Variants in ASB18 observed in about 807,000 individuals in gnomAD.
ASB18 encodes ankyrin repeat and SOCS box containing 18, also known as ankyrin repeat and SOCS box protein 18.
In ASB18, 33 loss-of-function variants were observed where a neutral mutation model predicts 33.4. That is an observed-to-expected ratio of 0.99 (90% confidence interval 0.75 to 1.32). The LOEUF (loss-of-function observed/expected upper bound fraction) is 1.32, where lower values mean the gene tolerates loss of function less well. Among genes scored for constraint, ASB18 ranks in the 40% most tolerant of loss-of-function variants. The pLI, the probability that ASB18 is intolerant of heterozygous loss-of-function variation, is 0.00. For missense variants in ASB18, 694 were observed against 655.5 expected (o/e 1.06, Z -0.64); for synonymous variants, 295 against 307.6 (o/e 0.96, Z 0.43).
Position 236,219,990 on chromosome 2 carries a change from AAC to A in ASB18, c.597-5126_597-5125del, listed in dbSNP as rs2060503581. Among the ~76,000 whole-genome samples, 1 of 152,198 alleles carries A rather than the reference AAC, an allele frequency of 6.6e-6. No homozygotes were observed. Among genetic ancestry groups the A allele is most frequent in the African/African-American group, 2.4e-5 (1 of 41,446 alleles). On this transcript the variant is annotated intron_variant, in intron 3 of 5. Coordinates refer to ENST00000409749, the MANE Select transcript of ASB18 (RefSeq NM_212556.4). This position sits in a 1 kb window ranked among gnomAD's most constrained non-coding sequence, Gnocchi z 6.4. ...CTTCTGATATGAAGCAACTTGGACA[AAC>A]ACATTAATCTCTGGGTGCCTCATCT...
chr2:236,197,862 T>C (rs558421661), intron 4 of ASB18, among the ~76,000 whole-genome samples: 1 of 152,326 alleles, frequency 6.6e-6, no homozygotes, highest in African/African-American at 2.4e-5. Flanking sequence ...GATTCGATTT[T>C]GGAGAGGGGC....
At position 236,259,464 on chromosome 2, in the gene ASB18, T is replaced by C. The variant is rs1323292728; in HGVS notation, c.205+4677A>G. ...AAAGCAGCCTAGCAAGGCCATGCAC[T>C]TCCGTAATGGATGGAGACTAAGGGC... On this transcript the variant is annotated intron_variant, in intron 1 of 5. Transcript: ENST00000409749. This position sits in a 1 kb window ranked among gnomAD's most constrained non-coding sequence, Gnocchi z 4.4. The C allele has an allele frequency of 4.3e-6, 2 of 466,794 alleles. No homozygotes were observed. The highest frequency in any genetic ancestry group is 4.7e-5 in the Admixed American group (2 of 42,466). The allele number at this position is 466,794 out of a possible 1,614,324, so 28.9% of individuals were successfully genotyped here.
chr2:236,238,091 G>T lies in ASB18; in HGVS notation c.329-135C>A. ...CCAGGTAGGCATGTAGGGAGAAGAGGATAGAATCAGAGACGCACACAGAGA... is the reference window on the plus strand; with the variant it reads ...CCAGGTAGGCATGTAGGGAGAAGAGTATAGAATCAGAGACGCACACAGAGA... On this transcript the variant is annotated intron_variant, in intron 2 of 5. Coordinates refer to ENST00000409749, the MANE Select transcript of ASB18 (RefSeq NM_212556.4). The surrounding 1 kb of genome is among the most constrained non-coding windows in gnomAD (Gnocchi z 5.2). 2 of 639,464 alleles carry T rather than the reference G, an allele frequency of 3.1e-6. No individual in the cohort carries two copies. Among genetic ancestry groups the T allele is most frequent in the Non-Finnish European group, 4.7e-6 (2 of 422,904 alleles). The allele number at this position is 639,464 out of a possible 1,614,324, so 39.6% of individuals were successfully genotyped here. A position where few individuals can be genotyped will look rare whatever the true frequency, so the allele number is the denominator to read the frequency against.
chr2:236,237,822 C>A lies in ASB18; in HGVS notation c.463G>T (p.Ala155Ser). 7.3e-7 allele frequency: 1 copy of A among 1,371,988 alleles called. No homozygotes were observed. Among genetic ancestry groups the A allele is most frequent in the Non-Finnish European group, 9.3e-7 (1 of 1,073,758 alleles). 85.0% of individuals were successfully genotyped at this position (1,371,988 alleles called of 1,614,324 possible). ...CCCCCGAGGCAGGCCTCGTGCAGGG[C>A]GCCGCGGCCGCCGGGGCTGGCGTCT... is the stretch of plus-strand genomic sequence containing the variant. The part of the protein sequence containing the change: ...DPDASPGGRG[A>S]LHEACLGGHT... Residue 155 changes from alanine (A) to serine (S), a missense_variant, in exon 3 of 6, where the codon GCC (alanine) becomes TCC (serine). Physicochemically the swap from Ala to Ser is moderately conservative, Grantham distance 99 (BLOSUM62 1). Transcript: ENST00000409749. The surrounding 1 kb of genome is among the most constrained non-coding windows in gnomAD (Gnocchi z 6.2).
In ASB18 at chr2:236,239,812, G is replaced by C. The variant is rs2060613042; in HGVS notation, c.328+1468C>G. On this transcript the variant is annotated intron_variant, in intron 2 of 5. Coordinates refer to ENST00000409749, the MANE Select transcript of ASB18 (RefSeq NM_212556.4). This position sits in a 1 kb window ranked among gnomAD's most constrained non-coding sequence, Gnocchi z 5.6. The stretch of plus-strand genomic sequence containing the variant: ...CATGGGGCCACTGCTTTCAAACAGG[G>C]TCTGGTCGTTTCTGCTGCTGGATCT... Among the ~76,000 whole-genome samples, 1 of 152,236 alleles carries C rather than the reference G, an allele frequency of 6.6e-6. No individual in the cohort carries two copies. Among genetic ancestry groups the C allele is most frequent in the South Asian group, 2.1e-4 (1 of 4,834 alleles).
rs1559327572 is a variant in ASB18, at chr2:236,204,779, C to T, written c.1102-8394G>A. Among the ~76,000 whole-genome samples the T allele has an allele frequency of 6.6e-6, 1 of 151,762 alleles. No homozygotes were observed. The highest frequency in any genetic ancestry group is 1.5e-5 in the Non-Finnish European group (1 of 67,980). On this transcript the variant is annotated intron_variant, in intron 4 of 5. Coordinates refer to ENST00000409749, the MANE Select transcript of ASB18 (RefSeq NM_212556.4). This position sits in a 1 kb window ranked among gnomAD's most constrained non-coding sequence, Gnocchi z 5.1. Reference sequence around the variant, plus strand: ...GAGTCATCCATTGCTCCTGTTTCTCCTACACTCCACATACCAAAAACTGAA... The same window carrying T: ...GAGTCATCCATTGCTCCTGTTTCTCTTACACTCCACATACCAAAAACTGAA...
rs2060504671 is a variant in ASB18 at position 236,220,203 on chromosome 2, C to T, written c.597-5337G>A. Among the ~76,000 whole-genome samples, 1 of 152,218 alleles carries T rather than the reference C, an allele frequency of 6.6e-6. No homozygotes were observed. Among genetic ancestry groups the T allele is most frequent in the Non-Finnish European group, 1.5e-5 (1 of 68,028 alleles). On this transcript the variant is annotated intron_variant, in intron 3 of 5. Transcript: ENST00000409749. This position sits in a 1 kb window ranked among gnomAD's most constrained non-coding sequence, Gnocchi z 5.1. ...GATGTGGGACTTTGGCCACTCCCTGCACACCCTCCCATCCACCCTCCAGCA... is the reference window on the plus strand; with the variant it reads ...GATGTGGGACTTTGGCCACTCCCTGTACACCCTCCCATCCACCCTCCAGCA...
Position 236,220,694 on chromosome 2 carries a change from G to A in ASB18, c.597-5828C>T, listed in dbSNP as rs1416815434. On this transcript the variant is annotated intron_variant, in intron 3 of 5. Transcript: ENST00000409749. This position sits in a 1 kb window ranked among gnomAD's most constrained non-coding sequence, Gnocchi z 5.1. Reference sequence around the variant, plus strand: ...CAGGAAGTGGCAAAGCAGAGGTCTCGTTGCTTCATGAGGCTTCCCACTGTC... The same window carrying A: ...CAGGAAGTGGCAAAGCAGAGGTCTCATTGCTTCATGAGGCTTCCCACTGTC... Among the ~76,000 whole-genome samples the A allele has an allele frequency of 2.6e-5, 4 of 152,074 alleles. No individual in the cohort carries two copies. Among genetic ancestry groups the A allele is most frequent in the East Asian group, 1.9e-4 (1 of 5,184 alleles).
In ASB18 at chr2:236,203,437, G is replaced by C. The variant is rs2060415991; in HGVS notation, c.1102-7052C>G. On this transcript the variant is annotated intron_variant, in intron 4 of 5. Coordinates refer to ENST00000409749, the MANE Select transcript of ASB18 (RefSeq NM_212556.4). The surrounding 1 kb of genome is among the most constrained non-coding windows in gnomAD (Gnocchi z 6.0). Reference sequence around the variant, plus strand: ...GGCTGGGGCATGAGTCTGACATGGGGAGTGCTCGGAAATGAAACAGGAGAG... The same window carrying C: ...GGCTGGGGCATGAGTCTGACATGGGCAGTGCTCGGAAATGAAACAGGAGAG... 6.6e-6 allele frequency among the ~76,000 whole-genome samples: 1 copy of C among 152,190 alleles called. No individual in the cohort carries two copies. The highest frequency in any genetic ancestry group is 6.5e-5 in the Admixed American group (1 of 15,286).
In ASB18 at chr2:236,219,804, GT is replaced by G. The variant is rs1312965098; in HGVS notation, c.597-4939del. On this transcript the variant is annotated intron_variant, in intron 3 of 5. Coordinates refer to ENST00000409749, the MANE Select transcript of ASB18 (RefSeq NM_212556.4). This position sits in a 1 kb window ranked among gnomAD's most constrained non-coding sequence, Gnocchi z 6.4. ...CTCCAAGGCAAGATTTTGTGAGTGG[GT>G]TTCCTGCTGTCCTGATAGAAAGGCA... 6.6e-6 allele frequency among the ~76,000 whole-genome samples: 1 copy of G among 152,146 alleles called. No homozygotes were observed. The highest frequency in any genetic ancestry group is 1.5e-5 in the Non-Finnish European group (1 of 68,026).
At position 236,195,648 on chromosome 2, in the gene ASB18, T is replaced by C. The variant is rs2060368298; in HGVS notation, c.1216-591A>G. 6.6e-6 allele frequency among the ~76,000 whole-genome samples: 1 copy of C among 152,100 alleles called. No individual in the cohort carries two copies. On this transcript the variant is annotated intron_variant, in intron 5 of 5. Coordinates refer to ENST00000409749, the MANE Select transcript of ASB18 (RefSeq NM_212556.4). This position sits in a 1 kb window ranked among gnomAD's most constrained non-coding sequence, Gnocchi z 5.5. ...CTCCTGCCTTAGCCTCCTGAGTAAC[T>C]GGCATTACAGGCGCTTGCCACCATG...
At position 236,256,346 on chromosome 2, in the gene ASB18, C is replaced by G. The variant is rs570593765; in HGVS notation, c.205+7795G>C. ...CCGGCCCATAAGTATTTATTAGGTA[C>G]CTAGTATGTGCAGGATGTGGCAAAT... On this transcript the variant is annotated intron_variant, in intron 1 of 5. Coordinates refer to ENST00000409749, the MANE Select transcript of ASB18 (RefSeq NM_212556.4). This position sits in a 1 kb window ranked among gnomAD's most constrained non-coding sequence, Gnocchi z 4.7. 1.9e-4 allele frequency among the ~76,000 whole-genome samples: 29 copies of G among 152,164 alleles called. 1 individual carries two copies. In the South Asian group the frequency reaches 6.0e-3, roughly 32 times the overall value.
At position 236,259,479 on chromosome 2, in the gene ASB18, A is replaced by C; in HGVS notation, c.205+4662T>G. The C allele has an allele frequency of 2.1e-6, 1 of 469,736 alleles. No homozygotes were observed. Among genetic ancestry groups the C allele is most frequent in the South Asian group, 1.6e-5 (1 of 64,396 alleles). 29.1% of individuals were successfully genotyped at this position (469,736 alleles called of 1,614,324 possible). The stretch of plus-strand genomic sequence containing the variant: ...GGCCATGCACTTCCGTAATGGATGG[A>C]GACTAAGGGCTTTATGCTTTCATGC... On this transcript the variant is annotated intron_variant, in intron 1 of 5. Coordinates refer to ENST00000409749, the MANE Select transcript of ASB18 (RefSeq NM_212556.4). The surrounding 1 kb of genome is among the most constrained non-coding windows in gnomAD (Gnocchi z 4.4).
At chr2:236,218,386 G>T (rs2060497232) in intron 3 of ASB18, among the ~76,000 whole-genome samples, 1 of 152,176 alleles carries the variant, frequency 6.6e-6, no homozygotes, top group Non-Finnish European at 1.5e-5. Flanking sequence ...AGGTGTGAGA[G>T]CCTATTTAAT....
rs1376990889 is a variant in ASB18 at position 236,228,931 on chromosome 2, A to G, written c.596+8758T>C. Among the ~76,000 whole-genome samples the G allele has an allele frequency of 2.6e-5, 4 of 152,056 alleles. No individual in the cohort carries two copies. The highest frequency in any genetic ancestry group is 2.1e-4 in the South Asian group (1 of 4,832). On this transcript the variant is annotated intron_variant, in intron 3 of 5. Transcript: ENST00000409749. The surrounding 1 kb of genome is among the most constrained non-coding windows in gnomAD (Gnocchi z 5.1). The stretch of plus-strand genomic sequence containing the variant: ...ATCAAACACCCAATGAAATGTAGAG[A>G]AAAAACCAAAAAATCAAAAGTGACC...
chr2:236,228,249 C>T lies in ASB18; in HGVS notation c.596+9440G>A, dbSNP rs1446754028. On this transcript the variant is annotated intron_variant, in intron 3 of 5. Coordinates refer to ENST00000409749, the MANE Select transcript of ASB18 (RefSeq NM_212556.4). The surrounding 1 kb of genome is among the most constrained non-coding windows in gnomAD (Gnocchi z 5.1). The stretch of plus-strand genomic sequence containing the variant: ...TGTGTCACAAGGTTGGAACTTACTC[C>T]CCAATATGATTGGCAGTATTGGATT... 2.6e-5 allele frequency among the ~76,000 whole-genome samples: 4 copies of T among 152,132 alleles called. No individual in the cohort carries two copies. Among genetic ancestry groups the T allele is most frequent in the Non-Finnish European group, 4.4e-5 (3 of 68,030 alleles).
rs78288337 is a variant in ASB18 at position 236,209,555 on chromosome 2, C to T, written c.1101+4807G>A. On this transcript the variant is annotated intron_variant, in intron 4 of 5. Coordinates refer to ENST00000409749, the MANE Select transcript of ASB18 (RefSeq NM_212556.4). This position sits in a 1 kb window ranked among gnomAD's most constrained non-coding sequence, Gnocchi z 4.4. ...CTAGGATTATAGGCGTGAGCTATTGCCTCTGGCCTAGAATCTGTTATTCTT... is the reference window on the plus strand; with the variant it reads ...CTAGGATTATAGGCGTGAGCTATTGTCTCTGGCCTAGAATCTGTTATTCTT... Among the ~76,000 whole-genome samples, 4,080 of 152,246 alleles carry T rather than the reference C, an allele frequency of 0.027. 183 individuals are homozygous for T. The highest frequency in any genetic ancestry group is 0.088 in the African/African-American group (3,644 of 41,508).
At position 236,216,873 on chromosome 2, in the gene ASB18, G is replaced by A. The variant is rs1266862696; in HGVS notation, c.597-2007C>T. On this transcript the variant is annotated intron_variant, in intron 3 of 5. Transcript: ENST00000409749. The surrounding 1 kb of genome is among the most constrained non-coding windows in gnomAD (Gnocchi z 6.1). ...CACCGGGTTCACCTCCTGAGGCGCC[G>A]CCTCTCCATGCTTCAATTCTGCCTG... Among the ~76,000 whole-genome samples the A allele has an allele frequency of 6.6e-6, 1 of 152,044 alleles. No individual in the cohort carries two copies. The highest frequency in any genetic ancestry group is 1.5e-5 in the Non-Finnish European group (1 of 68,028).
rs1360601927 is a variant in ASB18 at position 236,220,737 on chromosome 2, C to T, written c.597-5871G>A. ...CCACTGTCAGTCACACACCCCTCCA[C>T]TGCCCCTTCCCACTGGTTTTATTTG... On this transcript the variant is annotated intron_variant, in intron 3 of 5. Coordinates refer to ENST00000409749, the MANE Select transcript of ASB18 (RefSeq NM_212556.4). This position sits in a 1 kb window ranked among gnomAD's most constrained non-coding sequence, Gnocchi z 5.1. 1.3e-5 allele frequency among the ~76,000 whole-genome samples: 2 copies of T among 152,196 alleles called. No individual in the cohort carries two copies. The highest frequency in any genetic ancestry group is 4.8e-5 in the African/African-American group (2 of 41,440).
Sources: allele counts gnomAD v4.1 joint callset (sites outside exome capture counted in the v4.1 genomes callset), GRCh38; gene constraint gnomAD v4.1.1; non-coding constraint Gnocchi (gnomAD v3.1); transcripts MANE v1.5; gene names NCBI Gene and HGNC (gene_info 2026-07-23, HGNC 2026-07-21).